Variants in RRM2 observed in about 807,000 individuals in gnomAD.
The protein encoded by RRM2 is ribonucleoside-diphosphate reductase subunit M2.
In RRM2, 6 loss-of-function variants were observed where a neutral mutation model predicts 45.9. The observed-to-expected ratio is 0.13, with a 90% CI of 0.07 to 0.26. The LOEUF is 0.26. Among genes scored for constraint, RRM2 ranks in the 10% least tolerant of loss-of-function variants. RRM2 has a pLI of 1.00. For synonymous variants in RRM2, 177 were observed against 173.0 expected, an observed-to-expected ratio of 1.02 and a Z score of -0.18; for missense variants, 343 against 489.5, an observed-to-expected ratio of 0.70 and a Z score of 2.82.
At chr2:10,126,520 A>T (rs1345389184) in intron 5 of RRM2, 1 of 212,640 alleles carries the variant, frequency 4.7e-6, no homozygotes, top group African/African-American at 2.3e-5. Context: ...TTCAAATTTA[A>T]ATTCTATGAT....
intron 3 of RRM2, among the ~76,000 whole-genome samples, chr2:10,200,579 A>G (rs866352541): frequency 0.38 from 10,593 of 28,006 alleles, 4,268 homozygotes; most frequent in Non-Finnish European, 0.5. Context: ...TGAGGCCCAC[A>G]GGGACCGCGC....
chr2:10,173,497 C>T (rs1382831331), intron 3 of RRM2, among the ~76,000 whole-genome samples: 2 of 152,182 alleles, frequency 1.3e-5, no homozygotes, highest in Non-Finnish European at 2.9e-5. Context: ...TCCGTCTGTC[C>T]CCCTACCTCC....
rs1040096033 is a variant in RRM2, at chr2:10,174,490, G to C, written n.482+32115G>C. On this transcript the variant is annotated intron_variant and non_coding_transcript_variant, in intron 3 of 3. Coordinates refer to the RRM2 transcript ENST00000381786. ...CCCACAAGCGAGCGCCTATGGGGTG[G>C]AGTGAGAGTGAGGAAGAAACATTAC... is the stretch of plus-strand genomic sequence containing the variant. Among the ~76,000 whole-genome samples the C allele has an allele frequency of 6.6e-5, 10 of 151,924 alleles. No homozygotes were observed. In the East Asian group the frequency reaches 1.9e-3, roughly 29 times the overall value.
At chr2:10,196,239 G>A (rs572059422) in intron 3 of RRM2, among the ~76,000 whole-genome samples, 46 of 152,332 alleles carry the variant, frequency 3.0e-4, no homozygotes, top group African/African-American at 1.1e-3. Flanking sequence ...GGGGAGCAAA[G>A]GTGGCCAGAG....
chr2:10,162,028 T>C (rs964529573), intron 3 of RRM2, among the ~76,000 whole-genome samples: 1 of 152,238 alleles, frequency 6.6e-6, no homozygotes, highest in African/African-American at 2.4e-5. Flanking sequence ...GGCTTGCGCC[T>C]GGCTGCAGAC....
At chr2:10,176,896 G>T (rs540134787) in intron 3 of RRM2, among the ~76,000 whole-genome samples, 2 of 152,278 alleles carry the variant, frequency 1.3e-5, no homozygotes, top group East Asian at 3.9e-4. Flanking sequence ...GGGTCATAGG[G>T]TAGGCAATTG....
chr2:10,129,495 A>AT lies in RRM2; in HGVS notation c.*111dup, dbSNP rs1662853092. 8.9e-7 allele frequency: 1 copy of AT among 1,120,454 alleles called. No homozygotes were observed. Among genetic ancestry groups the AT allele is most frequent in the East Asian group, 2.4e-5 (1 of 42,474 alleles). 69.4% of individuals were successfully genotyped at this position (1,120,454 alleles called of 1,614,324 possible). A position where few individuals can be genotyped will look rare whatever the true frequency, so the allele number is the denominator to read the frequency against. ...ACACCATGAATTGTCCGTAATGTTC[A>AT]TTAACAGCATCTTTAAAACTGTGTA... On this transcript the variant is annotated 3_prime_UTR_variant, in exon 10 of 10. Transcript: ENST00000304567. The surrounding 1 kb of genome is among the most constrained non-coding windows in gnomAD (Gnocchi z 4.8).
intron 3 of RRM2, among the ~76,000 whole-genome samples, chr2:10,149,163 CTG>C (rs1446057938): frequency 6.8e-6 from 1 of 146,644 alleles, no homozygotes; most frequent in Non-Finnish European, 1.5e-5. Context: ...GAGTCTTACT[CTG>C]TTGCTCAGGC....
chr2:10,202,108 A>C (rs1049276021), intron 3 of RRM2, among the ~76,000 whole-genome samples: 10 of 152,200 alleles, frequency 6.6e-5, no homozygotes, highest in Non-Finnish European at 1.3e-4. Flanking sequence ...TTACAGAAAA[A>C]CTGGAGGATA....
At chr2:10,158,767 G>A (rs953482188) in intron 3 of RRM2, among the ~76,000 whole-genome samples, 1 of 152,102 alleles carries the variant, frequency 6.6e-6, no homozygotes, top group Non-Finnish European at 1.5e-5. Context: ...GGCCGGGGCC[G>A]TGCTCTGAGG....
chr2:10,192,521 G>A lies in RRM2; in HGVS notation n.483-17790G>A, dbSNP rs992885054. 4 of 154,640 alleles carry A rather than the reference G, an allele frequency of 2.6e-5. No homozygotes were observed. The Admixed American group carries it at 2.6e-4, about 10-fold the overall frequency. The allele number at this position is 154,640 out of a possible 1,614,324, so 9.6% of individuals were successfully genotyped here. A position where few individuals can be genotyped will look rare whatever the true frequency, so the allele number is the denominator to read the frequency against. On this transcript the variant is annotated intron_variant and non_coding_transcript_variant, in intron 3 of 3. Coordinates refer to the RRM2 transcript ENST00000381786. ...CGAGCCCTGCCCACTTGTGACCAGG[G>A]TTTTCAATCCCCTGGTGTGAGAGCA...
Position 10,204,274 on chromosome 2 carries a change from A to G in RRM2, n.483-6037A>G, listed in dbSNP as rs370237173. ...GCATGGGAGCCCAGAAAAAGGCCCC[A>G]TCCAGCCTGTGGGATCAGAGGAGCC... On this transcript the variant is annotated intron_variant and non_coding_transcript_variant, in intron 3 of 3. Transcript: ENST00000381786. The surrounding 1 kb of genome is among the most constrained non-coding windows in gnomAD (Gnocchi z 4.0). Among the ~76,000 whole-genome samples, 23 of 152,266 alleles carry G rather than the reference A, an allele frequency of 1.5e-4. No individual in the cohort carries two copies. The South Asian group carries it at 4.3e-3, about 29-fold the overall frequency.
At chr2:10,158,263 G>A (rs922111254) in intron 3 of RRM2, among the ~76,000 whole-genome samples, 1 of 152,184 alleles carries the variant, frequency 6.6e-6, no homozygotes. Context: ...GTGGGTGAGG[G>A]GGTGATACAA....
intron 3 of RRM2, among the ~76,000 whole-genome samples, chr2:10,178,335 G>A (rs1294667423): frequency 1.3e-5 from 2 of 150,386 alleles, no homozygotes; most frequent in African/African-American, 2.5e-5. Flanking sequence ...CAATTCTCCC[G>A]CCTCAGCCTC....
rs1013158466 is a variant in RRM2 at position 10,129,214 on chromosome 2, C to G, written c.1018-20C>G. On this transcript the variant is annotated intron_variant, in intron 9 of 9. Coordinates refer to ENST00000304567, the MANE Select transcript of RRM2 (RefSeq NM_001034.4). This position sits in a 1 kb window ranked among gnomAD's most constrained non-coding sequence, Gnocchi z 4.8. The stretch of plus-strand genomic sequence containing the variant: ...TGAAGCTGGTGCTCTGTATTTATAT[C>G]TTGATGTGAACCTTTTCAGGTTTTC... 6.2e-7 allele frequency: 1 copy of G among 1,613,606 alleles called. No individual in the cohort carries two copies. The highest frequency in any genetic ancestry group is 8.5e-7 in the Non-Finnish European group (1 of 1,179,806).
intron 3 of RRM2, among the ~76,000 whole-genome samples, chr2:10,178,053 C>CT (rs1663968145): frequency 6.6e-6 from 1 of 151,816 alleles, no homozygotes; most frequent in Admixed American, 6.6e-5. Context: ...TCCTGAGCAG[C>CT]TGGGACTACA....
chr2:10,184,091 TAAAAAAAAAAAAAAAAA>T (rs60421650), intron 3 of RRM2, among the ~76,000 whole-genome samples: 1 of 30,682 alleles, frequency 3.3e-5, no homozygotes, highest in Non-Finnish European at 5.4e-5. Flanking sequence ...AGACTCCATC[TAAAAAAAAAAAAAAAAA>T]AAAAAAAAAA....
At chr2:10,148,367 C>T (rs1211377450) in intron 3 of RRM2, among the ~76,000 whole-genome samples, 1 of 151,324 alleles carries the variant, frequency 6.6e-6, no homozygotes, top group Non-Finnish European at 1.5e-5. Flanking sequence ...TGCTGAAATT[C>T]CTTCTCCAGT....
chr2:10,174,226 T>G (rs1018680517), intron 3 of RRM2, among the ~76,000 whole-genome samples: 1 of 152,154 alleles, frequency 6.6e-6, no homozygotes, highest in Non-Finnish European at 1.5e-5. Context: ...GGACTTCTAG[T>G]CCCCAGAACT....
Sources: allele counts gnomAD v4.1 joint callset (sites outside exome capture counted in the v4.1 genomes callset), GRCh38; gene constraint gnomAD v4.1.1; non-coding constraint Gnocchi (gnomAD v3.1); transcripts MANE v1.5; gene names NCBI Gene and HGNC (gene_info 2026-07-23, HGNC 2026-07-21).